The following LRP1B variants were observed in gnomAD, a reference collection of about 807,000 sequenced individuals.
The protein encoded by LRP1B is LDL receptor related protein 1B.
In LRP1B, 217 loss-of-function variants were observed where a neutral mutation model predicts 556.6. That is an observed-to-expected ratio of 0.39 (90% confidence interval 0.35 to 0.44). The LOEUF (loss-of-function observed/expected upper bound fraction) is 0.44, where lower values mean the gene tolerates loss of function less well. Ranked by LOEUF, LRP1B falls within the 20% of genes least tolerant of loss-of-function variation. The pLI, the probability that LRP1B is intolerant of heterozygous loss-of-function variation, is 1.00. For synonymous variants in LRP1B, 2,047 were observed against 1,865.8 expected, an observed-to-expected ratio of 1.10 and a Z score of -2.50; for missense variants, 5,053 against 5,620.8, an observed-to-expected ratio of 0.90 and a Z score of 3.23.
At chr2:140,589,951 C>T (rs1010828721) in intron 43 of LRP1B, among the ~76,000 whole-genome samples, 1 of 152,000 alleles carries the variant, frequency 6.6e-6, no homozygotes, top group African/African-American at 2.4e-5. Context: ...AGTGTCTATA[C>T]CCTGGTTGTG....
At chr2:141,540,221 TC>T (rs1685207976) in intron 2 of LRP1B, among the ~76,000 whole-genome samples, 1 of 151,832 alleles carries the variant, frequency 6.6e-6, no homozygotes, top group Non-Finnish European at 1.5e-5. Flanking sequence ...AAAACCTACT[TC>T]ACACCTTAAA....
chr2:140,470,811 T>C (rs1249413746), intron 60 of LRP1B, among the ~76,000 whole-genome samples: 1 of 152,126 alleles, frequency 6.6e-6, no homozygotes, highest in African/African-American at 2.4e-5. Context: ...GGAATTTAAC[T>C]ACATTGTTCA....
chr2:141,066,251 C>T (rs919313973), intron 7 of LRP1B, among the ~76,000 whole-genome samples: 1 of 151,940 alleles, frequency 6.6e-6, no homozygotes, highest in African/African-American at 2.4e-5. Flanking sequence ...GTTTTGACAT[C>T]ATTATCCCGT....
intron 3 of LRP1B, among the ~76,000 whole-genome samples, chr2:141,401,968 C>T (rs180843771): frequency 2.6e-5 from 4 of 152,226 alleles, no homozygotes; most frequent in African/African-American, 9.6e-5. Flanking sequence ...TATTTGAACG[C>T]ATCCTTCTTT....
intron 36 of LRP1B, 70 bp from the exon 37 acceptor site, chr2:140,716,172 T>G: frequency 1.7e-6 from 2 of 1,149,194 alleles, no homozygotes; most frequent in Non-Finnish European, 2.4e-6. Context: ...TGACTAAAAT[T>G]AAATTTCTGA....
At chr2:140,560,465 T>C (rs2105075632) in intron 43 of LRP1B, among the ~76,000 whole-genome samples, 1 of 152,298 alleles carries the variant, frequency 6.6e-6, no homozygotes, top group Non-Finnish European at 1.5e-5. Flanking sequence ...AGGAACTCTC[T>C]GTACTATTTT....
intron 1 of LRP1B, among the ~76,000 whole-genome samples, chr2:141,915,346 A>G (rs1700002667): frequency 6.6e-6 from 1 of 152,148 alleles, no homozygotes; most frequent in Non-Finnish European, 1.5e-5. Flanking sequence ...ACAGCATACA[A>G]AACACACCAT....
At chr2:140,514,590 A>G (rs1689806133) in intron 51 of LRP1B, 63 bp downstream of exon 51, 3 of 1,447,112 alleles carry the variant, frequency 2.1e-6, no homozygotes, top group South Asian at 1.6e-5. Context: ...TGTGTATGCT[A>G]TAAAATGATA....
chr2:141,904,671 A>G (rs1699706740), intron 1 of LRP1B, among the ~76,000 whole-genome samples: 1 of 151,936 alleles, frequency 6.6e-6, no homozygotes, highest in South Asian at 2.1e-4. Flanking sequence ...CTATGGAAAG[A>G]ATGAAGCAAG....
intron 2 of LRP1B, among the ~76,000 whole-genome samples, chr2:141,747,527 C>T (rs1036445571): frequency 1.9e-4 from 29 of 152,132 alleles, no homozygotes; most frequent in Admixed American, 6.6e-5. Flanking sequence ...GTCCTAGCTA[C>T]TCAGGAGGCT....
At chr2:140,782,733 T>C (rs954202246) in intron 32 of LRP1B, among the ~76,000 whole-genome samples, 1 of 152,012 alleles carries the variant, frequency 6.6e-6, no homozygotes, top group Non-Finnish European at 1.5e-5. Flanking sequence ...TCCAAAATCT[T>C]CTCCAAAAGA....
chr2:140,547,364 T>C (rs548314735), intron 43 of LRP1B, among the ~76,000 whole-genome samples: 1 of 152,266 alleles, frequency 6.6e-6, no homozygotes, highest in East Asian at 1.9e-4. Flanking sequence ...TTCAATTTTT[T>C]TCCTGGCTCA....
At chr2:142,079,730 G>A (rs1574661676) in intron 1 of LRP1B, among the ~76,000 whole-genome samples, 1 of 151,994 alleles carries the variant, frequency 6.6e-6, no homozygotes, top group African/African-American at 2.4e-5. Flanking sequence ...GGCTGATCTC[G>A]AAGTCCTGAC....
At chr2:141,189,126 TGGCATACTTAGGAATTGTAAAAAA>T (rs1412977281) in intron 6 of LRP1B, among the ~76,000 whole-genome samples, 1 of 152,006 alleles carries the variant, frequency 6.6e-6, no homozygotes, top group Non-Finnish European at 1.5e-5. Context: ...TTTCTTTCAA[TGGCATACTTAGGAATTGTAAAAAA>T]GGCTTGCTCA....
chr2:140,546,277 T>C (rs1680335213), intron 43 of LRP1B, among the ~76,000 whole-genome samples: 2 of 152,094 alleles, frequency 1.3e-5, no homozygotes, highest in African/African-American at 4.8e-5. Context: ...CTTCTTTCTT[T>C]CTCTTGCCTG....
intron 2 of LRP1B, among the ~76,000 whole-genome samples, chr2:141,560,389 T>C (rs1239375400): frequency 6.6e-6 from 1 of 151,748 alleles, no homozygotes; most frequent in East Asian, 1.9e-4. Context: ...GGATTGCTTT[T>C]CCAATTTACT....
intron 1 of LRP1B, among the ~76,000 whole-genome samples, chr2:141,971,517 C>G (rs1055221074): frequency 1.3e-5 from 2 of 151,326 alleles, no homozygotes; most frequent in Non-Finnish European, 3.0e-5. Flanking sequence ...TTGAATTTAG[C>G]TTCTATTCAT....
intron 35 of LRP1B, among the ~76,000 whole-genome samples, chr2:140,735,460 G>A (rs1045673896): frequency 6.6e-6 from 1 of 152,162 alleles, no homozygotes; most frequent in African/African-American, 2.4e-5. Flanking sequence ...CAGCTGAGCA[G>A]AGCAAACAGA....
intron 3 of LRP1B, among the ~76,000 whole-genome samples, chr2:141,354,945 C>T (rs1688572854): frequency 6.6e-6 from 1 of 151,974 alleles, no homozygotes; most frequent in East Asian, 1.9e-4. Flanking sequence ...TCACTAGTAG[C>T]AAAATAGAAA....
Sources: gnomAD v4.1 joint callset for allele counts (sites outside exome capture counted in the v4.1 genomes callset) on GRCh38, gnomAD v4.1.1 for gene constraint, MANE v1.5 for transcripts, NCBI Gene and HGNC (gene_info 2026-07-23, HGNC 2026-07-21) for gene names.